ABCA9: variants seen among roughly 807,000 people sequenced by gnomAD.
The protein encoded by ABCA9 is ATP binding cassette subfamily A member 9.
In ABCA9, 183 loss-of-function variants were observed where a neutral mutation model predicts 205.3. The observed-to-expected ratio is 0.89, with a 90% CI of 0.79 to 1.01. The LOEUF (loss-of-function observed/expected upper bound fraction) is 1.01. Ranked by LOEUF, ABCA9 falls within the 50% of genes least tolerant of loss-of-function variation. ABCA9 has a pLI of 0.00. For synonymous variants in ABCA9, 651 were observed against 683.3 expected, an observed-to-expected ratio of 0.95 and a Z score of 0.74; for missense variants, 1,805 against 1,912.4, an observed-to-expected ratio of 0.94 and a Z score of 1.05.
At position 69,026,361 on chromosome 17, in the gene ABCA9, A is replaced by G. The variant is rs755473702; in HGVS notation, c.2141+16T>C. The G allele has an allele frequency of 6.2e-7, 1 of 1,603,796 alleles. No individual in the cohort carries two copies. Among genetic ancestry groups the G allele is most frequent in the Non-Finnish European group, 8.5e-7 (1 of 1,172,890 alleles). ...TTCAGCATCTGTCAACACGTCTCCA[A>G]CATTCAGGGCTGTACCTTAAATGGT... On this transcript the variant is annotated intron_variant, in intron 16 of 38. Transcript: ENST00000340001.
upstream of ABCA9, among the ~76,000 whole-genome samples, chr17:69,064,519 T>A (rs1450923072): frequency 6.6e-6 from 1 of 152,222 alleles, no homozygotes; most frequent in South Asian, 2.1e-4. Context: ...GGAGCCCCAA[T>A]GATTTACCCA....
chr17:69,047,165 T>C (rs2144486977), intron 3 of ABCA9, among the ~76,000 whole-genome samples: 1 of 151,454 alleles, frequency 6.6e-6, no homozygotes, highest in East Asian at 1.9e-4. Flanking sequence ...TGTCACCATG[T>C]TGGCCAGGTT....
At chr17:69,025,965 T>C (rs1046287104) in intron 16 of ABCA9, among the ~76,000 whole-genome samples, 2 of 151,946 alleles carry the variant, frequency 1.3e-5, no homozygotes, top group Non-Finnish European at 2.9e-5. Context: ...TCAGTAATGA[T>C]AATAATTATT....
intron 37 of ABCA9, among the ~76,000 whole-genome samples, chr17:68,981,242 T>C (rs948574493): frequency 1.3e-5 from 2 of 152,096 alleles, no homozygotes; most frequent in Non-Finnish European, 2.9e-5. Context: ...CTGTAGTTAA[T>C]AATAATTTAT....
In ABCA9 at chr17:69,027,730, G is replaced by A. The variant is rs775530126; in HGVS notation, c.1701C>T (p.Ser567=). The part of the protein sequence containing the change: ...ISKFTGFCPQ[S]NVQFGFLTVK... ...CAGTGAGAAATCCAAATTGCACATTGGATTGTGGACAAAATCCAGTGAACT... is the reference window on the plus strand; with the variant it reads ...CAGTGAGAAATCCAAATTGCACATTAGATTGTGGACAAAATCCAGTGAACT... The change falls in exon 13 of 39, where the codon TCC becomes TCT. Residue 567 remains serine, a synonymous_variant. Transcript: ENST00000340001. 6.8e-6 allele frequency: 11 copies of A among 1,612,950 alleles called. No homozygotes were observed. In the South Asian group the frequency reaches 1.1e-4, roughly 16 times the overall value.
intron 25 of ABCA9, 145 bp downstream of exon 25, chr17:69,007,614 C>G: frequency 1.7e-6 from 1 of 585,152 alleles, no homozygotes; most frequent in Non-Finnish European, 3.1e-6. Context: ...ATAGAGTAGA[C>G]TTTAAATAGT....
chr17:69,042,267 T>C (rs186187010), intron 6 of ABCA9: 52 of 152,294 alleles, frequency 3.4e-4, no homozygotes, highest in African/African-American at 1.2e-3. Context: ...ATGTAAAACA[T>C]TTTAGATACA....
intron 18 of ABCA9, chr17:69,020,844 C>T: frequency 2.9e-6 from 1 of 350,140 alleles, no homozygotes; most frequent in South Asian, 5.0e-5. Context: ...TTTATTTATT[C>T]TAAGGAAATC....
intron 1 of ABCA9, among the ~76,000 whole-genome samples, chr17:69,056,271 A>G (rs2072066819): frequency 6.6e-6 from 1 of 152,170 alleles, no homozygotes; most frequent in South Asian, 2.1e-4. Flanking sequence ...CTCTACCAAG[A>G]CTAACTAAGA....
At chr17:68,989,584 T>A (rs1360836342) in intron 30 of ABCA9, among the ~76,000 whole-genome samples, 4 of 152,194 alleles carry the variant, frequency 2.6e-5, no homozygotes, top group Non-Finnish European at 5.9e-5. Context: ...AGACCGCCTC[T>A]TTTCATTGTT....
chr17:69,062,202 T>G (rs1598426009), upstream of ABCA9, among the ~76,000 whole-genome samples: 1 of 152,090 alleles, frequency 6.6e-6, no homozygotes, highest in African/African-American at 2.4e-5. Flanking sequence ...ATAGGTTGGT[T>G]GATTTTCTGC....
chr17:69,043,847 G>A, intron 5 of ABCA9, 132 bp from the exon 6 acceptor site: 2 of 770,972 alleles, frequency 2.6e-6, no homozygotes, highest in Non-Finnish European at 4.0e-6. Context: ...TTCATGATCT[G>A]GCCCCTTGTG....
chr17:69,027,062 C>T lies in ABCA9; in HGVS notation c.1964G>A (p.Arg655Gln), dbSNP rs1406315291. The stretch of plus-strand genomic sequence containing the variant: ...CCCCTCTTTCAGGAGATTCCATATT[C>T]GGTGCCTTGAAAGAGGATCCAATCC... ...TAGLDPLSRH[R>Q]IWNLLKEGKS... is the part of the protein sequence containing the mutation. The change falls in exon 15 of 39, where the codon CGA becomes CAA. Residue 655 changes from arginine to glutamine, a missense_variant. Arg to Gln is a conservative substitution (Grantham distance 43). Coordinates refer to ENST00000340001, the MANE Select transcript of ABCA9 (RefSeq NM_080283.4). 5 of 1,613,990 alleles carry T rather than the reference C, an allele frequency of 3.1e-6. No homozygotes were observed. Among genetic ancestry groups the T allele is most frequent in the East Asian group, 2.2e-5 (1 of 44,896 alleles).
At chr17:69,077,893 T>C in the ABCA9 span, among the ~76,000 whole-genome samples, 1 of 151,920 alleles carries the variant, frequency 6.6e-6, no homozygotes, top group Non-Finnish European at 1.5e-5. Flanking sequence ...TTTTAAAAAT[T>C]AAATAATATA....
intron 36 of ABCA9, among the ~76,000 whole-genome samples, chr17:68,982,989 G>A (rs2069111553): frequency 6.6e-6 from 1 of 152,208 alleles, no homozygotes; most frequent in South Asian, 2.1e-4. Context: ...CTGGGCGACA[G>A]AGTGAGATCC....
chr17:69,014,927 G>A (rs1048551062), intron 22 of ABCA9, among the ~76,000 whole-genome samples: 4 of 152,086 alleles, frequency 2.6e-5, no homozygotes, highest in Admixed American at 1.3e-4. Flanking sequence ...AGGGTCTGGG[G>A]CCAAGCTAAA....
chr17:68,984,839 C>T (rs760650878), intron 34 of ABCA9, 46 bp downstream of exon 34: 1 of 1,609,284 alleles, frequency 6.2e-7, no homozygotes, highest in Admixed American at 1.7e-5. Flanking sequence ...CCAGTTTTCA[C>T]AGGATCAATA....
At chr17:69,028,713 G>A (rs1281928276) in intron 11 of ABCA9, 68 bp from the exon 12 acceptor site, 2 of 908,780 alleles carry the variant, frequency 2.2e-6, no homozygotes, top group East Asian at 2.7e-5. Flanking sequence ...TGAAACTGTT[G>A]TAATTTTTTG....
chr17:69,028,775 T>G, intron 11 of ABCA9, 130 bp from the exon 12 acceptor site: 1 of 485,736 alleles, frequency 2.1e-6, no homozygotes, highest in South Asian at 5.5e-5. Context: ...CATCTTAAAA[T>G]TCTTTCTTTT....
Sources: allele counts gnomAD v4.1 joint callset (sites outside exome capture counted in the v4.1 genomes callset), GRCh38; gene constraint gnomAD v4.1.1; transcripts MANE v1.5; gene names NCBI Gene and HGNC (gene_info 2026-07-23, HGNC 2026-07-21).